WWOX: variants seen among roughly 807,000 people sequenced by gnomAD.
WWOX encodes the protein WW domain containing oxidoreductase.
A neutral mutation model predicts 46.2 loss-of-function variants in WWOX; 69 were observed. That is an observed-to-expected ratio of 1.49 (90% CI 1.23 to 1.82). The LOEUF is 1.82. WWOX is among the 40% of genes most tolerant of loss of function. The probability of loss-of-function intolerance (pLI) is 0.00; values close to 1 mark genes in which losing one functional copy is unlikely to be tolerated. For missense variants in WWOX, 919 were observed against 542.6 expected, an observed-to-expected ratio of 1.69 and a Z score of -6.89; for synonymous variants, 359 against 202.6, an observed-to-expected ratio of 1.77 and a Z score of -6.56.
chr16:78,540,470 A>C (rs1321492887), intron 8 of WWOX, among the ~76,000 whole-genome samples: 1 of 152,182 alleles, frequency 6.6e-6, no homozygotes, highest in Non-Finnish European at 1.5e-5. Context: ...AGTACTCAGG[A>C]AATCATTGAT....
chr16:78,116,203 AC>A (rs2032781230), intron 4 of WWOX, among the ~76,000 whole-genome samples: 1 of 151,836 alleles, frequency 6.6e-6, no homozygotes, highest in Admixed American at 6.5e-5. Context: ...GTTATTATTA[AC>A]TATAATCAAC....
chr16:79,140,259 C>T (rs1036395161), intron 8 of WWOX, among the ~76,000 whole-genome samples: 1 of 152,234 alleles, frequency 6.6e-6, no homozygotes, highest in African/African-American at 2.4e-5. Flanking sequence ...AATGCACGCT[C>T]TGAGCAGTCT....
At chr16:78,364,215 C>G (rs987814148) in intron 5 of WWOX, among the ~76,000 whole-genome samples, 1 of 152,086 alleles carries the variant, frequency 6.6e-6, no homozygotes, top group Admixed American at 6.6e-5. Context: ...TACATTTTAG[C>G]TTCTGGTATA....
At chr16:78,941,485 G>T (rs1335945433) in intron 8 of WWOX, among the ~76,000 whole-genome samples, 1 of 151,186 alleles carries the variant, frequency 6.6e-6, no homozygotes, top group Non-Finnish European at 1.5e-5. Flanking sequence ...TGTCAGTAGA[G>T]GGTGAAAACA....
chr16:78,355,268 A>AT (rs2081261383), intron 5 of WWOX, among the ~76,000 whole-genome samples: 1 of 149,416 alleles, frequency 6.7e-6, no homozygotes, highest in Admixed American at 6.7e-5. Context: ...ATAAAAAAAA[A>AT]GTATGTATAC....
chr16:78,317,868 C>T (rs1047231485), intron 5 of WWOX, among the ~76,000 whole-genome samples: 2 of 152,162 alleles, frequency 1.3e-5, no homozygotes, highest in African/African-American at 2.4e-5. Context: ...ATTTTCACTC[C>T]CCGTAAACAT....
At chr16:79,117,498 A>G (rs1051923801) in intron 8 of WWOX, among the ~76,000 whole-genome samples, 3 of 152,206 alleles carry the variant, frequency 2.0e-5, no homozygotes, top group African/African-American at 7.2e-5. Context: ...GGAATGGTAA[A>G]TGAGCTTGGC....
intron 8 of WWOX, among the ~76,000 whole-genome samples, chr16:78,589,738 T>G (rs887308705): frequency 6.6e-6 from 1 of 152,210 alleles, no homozygotes; most frequent in Admixed American, 6.5e-5. Context: ...TGCGACTGTT[T>G]ACCTTCTTTT....
rs117920047 is a variant in WWOX, at chr16:78,871,486, A to G, written c.1057-340122A>G. Among the ~76,000 whole-genome samples the G allele has an allele frequency of 1.4e-4, 22 of 152,316 alleles. No individual in the cohort carries two copies. In the East Asian group the frequency reaches 3.3e-3, roughly 23 times the overall value. On this transcript the variant is annotated intron_variant, in intron 8 of 8. Coordinates refer to ENST00000566780, the MANE Select transcript of WWOX (RefSeq NM_016373.4). Reference sequence around the variant, plus strand: ...TGCTTCTGCACCTGGGTGGTCAGAAATGAGTCCTGTGAGACACAGGTGACA... The same window carrying G: ...TGCTTCTGCACCTGGGTGGTCAGAAGTGAGTCCTGTGAGACACAGGTGACA...
intron 8 of WWOX, among the ~76,000 whole-genome samples, chr16:78,622,564 C>T (rs144816373): frequency 0.012 from 1,743 of 151,030 alleles, 13 homozygotes; most frequent in South Asian, 0.03. Context: ...AAAGTGAACC[C>T]TTGTAGTTTC....
At chr16:78,536,061 T>A (rs569243491) in intron 8 of WWOX, among the ~76,000 whole-genome samples, 1 of 152,298 alleles carries the variant, frequency 6.6e-6, no homozygotes, top group Non-Finnish European at 1.5e-5. Flanking sequence ...AGTTTACAGC[T>A]AGTGTTTATA....
intron 8 of WWOX, among the ~76,000 whole-genome samples, chr16:78,485,142 TA>T (rs537466170): frequency 0.026 from 3,912 of 149,204 alleles, 135 homozygotes; most frequent in African/African-American, 0.08. Context: ...ACATGTACTT[TA>T]AAAAAAAAAA....
At chr16:78,958,426 T>C (rs938619063) in intron 8 of WWOX, among the ~76,000 whole-genome samples, 1 of 152,246 alleles carries the variant, frequency 6.6e-6, no homozygotes, top group African/African-American at 2.4e-5. Flanking sequence ...GGATGTTCTA[T>C]ATTTAATTTG....
At chr16:78,473,355 C>T (rs1297314158) in intron 8 of WWOX, among the ~76,000 whole-genome samples, 2 of 152,110 alleles carry the variant, frequency 1.3e-5, no homozygotes, top group Admixed American at 6.5e-5. Context: ...GTCTTGAACT[C>T]CTGACCTCAA....
chr16:78,209,642 G>A (rs2036497338), intron 5 of WWOX, among the ~76,000 whole-genome samples: 1 of 151,902 alleles, frequency 6.6e-6, no homozygotes. Flanking sequence ...TATACATGTG[G>A]AGTCAATTGG....
chr16:79,013,254 A>AT (rs2047348592), intron 8 of WWOX, among the ~76,000 whole-genome samples: 1 of 152,062 alleles, frequency 6.6e-6, no homozygotes, highest in Non-Finnish European at 1.5e-5. Flanking sequence ...TCGAGAGTGA[A>AT]TGCCTTGCCT....
At chr16:78,694,074 A>G (rs1327551904) in intron 8 of WWOX, among the ~76,000 whole-genome samples, 2 of 152,116 alleles carry the variant, frequency 1.3e-5, no homozygotes, top group Non-Finnish European at 2.9e-5. Flanking sequence ...TCTACTAAAA[A>G]TATAAAAATT....
intron 6 of WWOX, among the ~76,000 whole-genome samples, chr16:78,405,075 G>A (rs1032188655): frequency 6.6e-6 from 1 of 152,200 alleles, no homozygotes; most frequent in Non-Finnish European, 1.5e-5. Flanking sequence ...TGCTGGGACT[G>A]CTGATGATGG....
intron 6 of WWOX, among the ~76,000 whole-genome samples, chr16:78,413,216 C>T (rs562299550): frequency 6.6e-6 from 1 of 152,250 alleles, no homozygotes; most frequent in Non-Finnish European, 1.5e-5. Flanking sequence ...GGATCGGAGT[C>T]TTTAAGGAGA....
Sources: allele counts gnomAD v4.1 joint callset (sites outside exome capture counted in the v4.1 genomes callset), GRCh38; gene constraint gnomAD v4.1.1; transcripts MANE v1.5; gene names NCBI Gene and HGNC (gene_info 2026-07-23, HGNC 2026-07-21).